Variants in GATA6 observed in about 807,000 individuals in gnomAD.
GATA6 encodes the protein GATA binding protein 6.
In GATA6, 11 loss-of-function variants were observed where a neutral mutation model predicts 48.1. The observed-to-expected ratio is 0.23, with a 90% CI of 0.14 to 0.38. The LOEUF is 0.38. Ranked by LOEUF, GATA6 falls within the 10% of genes least tolerant of loss-of-function variation. The probability of loss-of-function intolerance (pLI) is 1.00; values close to 1 mark genes in which losing one functional copy is unlikely to be tolerated. For missense variants in GATA6, 795 were observed against 850.3 expected (o/e 0.93, Z 0.81); for synonymous variants, 419 against 396.1 (o/e 1.06, Z -0.69).
At position 22,201,437 on chromosome 18, in the gene GATA6, A is replaced by G. The variant is rs1475980382; in HGVS notation, c.*614A>G. On this transcript the variant is annotated 3_prime_UTR_variant, in exon 7 of 7. Transcript: ENST00000269216. ...GAATTTGTAAACAGGGTAGCAAACA[A>G]GATATTTTTCTTCCATGTATACAAT... The G allele has an allele frequency of 1.3e-5, 2 of 153,292 alleles. No homozygotes were observed. Among genetic ancestry groups the G allele is most frequent in the African/African-American group, 4.8e-5 (2 of 41,464 alleles). The allele number at this position is 153,292 out of a possible 1,614,324, so 9.5% of individuals were successfully genotyped here.
intron 6 of GATA6, among the ~76,000 whole-genome samples, chr18:22,190,114 T>C (rs541646999): frequency 6.6e-6 from 1 of 152,338 alleles, no homozygotes; most frequent in Non-Finnish European, 1.5e-5. Flanking sequence ...AATTTTAGCA[T>C]CACATATCCT....
rs750440428 is a variant in GATA6 at position 22,200,669 on chromosome 18, T to G, written c.1634T>G (p.Val545Gly). The G allele has an allele frequency of 4.3e-6, 7 of 1,614,116 alleles. No homozygotes were observed. In the African/African-American group the frequency reaches 9.3e-5, roughly 22 times the overall value. Residue 545 changes from valine to glycine, a missense_variant, in exon 7 of 7, where the codon GTG becomes GGG. By Grantham distance (109) the Val-to-Gly change is moderately radical (BLOSUM62 -3). This residue lies in a region of GATA6 where 103 missense variants were observed against 103.7 expected (regional missense o/e 0.99). Coordinates refer to ENST00000269216, the MANE Select transcript of GATA6 (RefSeq NM_005257.6). ...CTCTTCTGCCAGGCGGGTGCCCCGGTGATGACTGGTGCGGGAGAGAGCACC... is the reference window on the plus strand; with the variant it reads ...CTCTTCTGCCAGGCGGGTGCCCCGGGGATGACTGGTGCGGGAGAGAGCACC... ...QPTASGAGAP[V>G]MTGAGESTNP...
At chr18:22,175,261 G>T (rs2033106837) in intron 2 of GATA6, among the ~76,000 whole-genome samples, 1 of 152,132 alleles carries the variant, frequency 6.6e-6, no homozygotes, top group Non-Finnish European at 1.5e-5. Context: ...TTCCTAGGTT[G>T]TATTTATCCA....
chr18:22,175,209 G>C (rs2033105909), intron 2 of GATA6, among the ~76,000 whole-genome samples: 1 of 152,120 alleles, frequency 6.6e-6, no homozygotes, highest in African/African-American at 2.4e-5. Flanking sequence ...AAGAGGTAGG[G>C]AGGGAATGAG....
chr18:22,192,451 T>C (rs1341105527), intron 6 of GATA6, among the ~76,000 whole-genome samples: 3 of 152,238 alleles, frequency 2.0e-5, no homozygotes, highest in Admixed American at 2.0e-4. Context: ...CGTAGAGTTA[T>C]TGTGTTAAGA....
intron 6 of GATA6, among the ~76,000 whole-genome samples, chr18:22,187,645 A>G (rs758148503): frequency 1.3e-5 from 2 of 152,072 alleles, no homozygotes; most frequent in Non-Finnish European, 2.9e-5. Flanking sequence ...TTTCTGCAAT[A>G]AGATTTAATA....
chr18:22,183,633 A>G (rs1248752677), intron 6 of GATA6, among the ~76,000 whole-genome samples: 1 of 152,230 alleles, frequency 6.6e-6, no homozygotes, highest in East Asian at 1.9e-4. Flanking sequence ...TATTTCAGCT[A>G]TGACAAAACC....
intron 6 of GATA6, among the ~76,000 whole-genome samples, chr18:22,192,563 G>A (rs2033340569): frequency 6.6e-6 from 1 of 152,142 alleles, no homozygotes; most frequent in African/African-American, 2.4e-5. Context: ...TAAGTGCATT[G>A]TAAATGCTTC....
intron 6 of GATA6, among the ~76,000 whole-genome samples, chr18:22,192,524 T>A (rs1040459172): frequency 6.6e-6 from 1 of 152,246 alleles, no homozygotes; most frequent in Non-Finnish European, 1.5e-5. Context: ...CTTCTGATAC[T>A]TAGTACTTTC....
intron 6 of GATA6, among the ~76,000 whole-genome samples, chr18:22,197,335 G>A (rs979414164): frequency 3.3e-5 from 5 of 152,086 alleles, no homozygotes; most frequent in Admixed American, 6.5e-5. Flanking sequence ...TGCAGGCGTG[G>A]GCCACCGCGC....
rs572151821 is a variant in GATA6, at chr18:22,170,436, G to C, written c.-37-672G>C. Among the ~76,000 whole-genome samples the C allele has an allele frequency of 4.2e-4, 64 of 152,270 alleles. No homozygotes were observed. The highest frequency in any genetic ancestry group is 1.5e-3 in the African/African-American group (63 of 41,592). On this transcript the variant is annotated intron_variant, in intron 1 of 6. Transcript: ENST00000269216. The surrounding 1 kb of genome is among the most constrained non-coding windows in gnomAD (Gnocchi z 6.7). Reference sequence around the variant, plus strand: ...TCTCCGCATTGCCTCTGCTGGGAAGGACCCAGACTGCTGCCCCCGCCCTGG... The same window carrying C: ...TCTCCGCATTGCCTCTGCTGGGAAGCACCCAGACTGCTGCCCCCGCCCTGG...
chr18:22,190,275 G>GT (rs935419169), intron 6 of GATA6, among the ~76,000 whole-genome samples: 1 of 151,510 alleles, frequency 6.6e-6, no homozygotes, highest in Non-Finnish European at 1.5e-5. Context: ...GTAACATTAA[G>GT]TTAAAAAAAA....
At chr18:22,190,841 A>G (rs1016731382) in intron 6 of GATA6, among the ~76,000 whole-genome samples, 28 of 152,252 alleles carry the variant, frequency 1.8e-4, no homozygotes, top group African/African-American at 6.0e-4. Context: ...CATGCTCCCT[A>G]TGTGCCAGGC....
Position 22,170,564 on chromosome 18 carries a change from C to T in GATA6, c.-37-544C>T, listed in dbSNP as rs2033019787. On this transcript the variant is annotated intron_variant, in intron 1 of 6. Transcript: ENST00000269216. This position sits in a 1 kb window ranked among gnomAD's most constrained non-coding sequence, Gnocchi z 6.7. The stretch of plus-strand genomic sequence containing the variant: ...CTGGGAGAGCCAATATAGGAGAACG[C>T]GGCGGTTTCGTTTTCGGGGACAGGT... Among the ~76,000 whole-genome samples the T allele has an allele frequency of 1.3e-5, 2 of 152,340 alleles. No individual in the cohort carries two copies. Among genetic ancestry groups the T allele is most frequent in the South Asian group, 2.1e-4 (1 of 4,834 alleles).
At chr18:22,176,845 C>CGGGCAGGGAAGCCGGGCACCGGGGCTGG in intron 2 of GATA6, 110 bp from the exon 3 acceptor site, 1 of 1,288,050 alleles carries the variant, frequency 7.8e-7, no homozygotes, top group South Asian at 1.5e-5. Context: ...GGGAAGGGCA[C>CGGGCAGGGAAGCCGGGCACCGGGGCTGG]GGGCAGGGAA....
At position 22,171,952 on chromosome 18, in the gene GATA6, C is replaced by T; in HGVS notation, c.808C>T (p.Pro270Ser). ...GCGCTTCCCCTACTCTCCCAGCCCG[C>T]CCATGGCCAACGGCGCCGCGCGGGA... ...SARFPYSPSPPMANGAAREPG... is the reference protein window; with the variant it reads ...SARFPYSPSPSMANGAAREPG... The change falls in exon 2 of 7, where the codon CCC becomes TCC. Residue 270 changes from proline to serine, a missense_variant. Physicochemically the swap from Pro to Ser is moderately conservative, Grantham distance 74. This residue lies in a region of GATA6 where 591 missense variants were observed against 570.0 expected (regional missense o/e 1.04). Coordinates refer to ENST00000269216, the MANE Select transcript of GATA6 (RefSeq NM_005257.6). The surrounding 1 kb of genome is among the most constrained non-coding windows in gnomAD (Gnocchi z 7.1). 9 of 1,199,974 alleles carry T rather than the reference C, an allele frequency of 7.5e-6. No individual in the cohort carries two copies. The highest frequency in any genetic ancestry group is 9.3e-6 in the Non-Finnish European group (9 of 968,096). The allele number at this position is 1,199,974 out of a possible 1,614,324, so 74.3% of individuals were successfully genotyped here.
At chr18:22,178,819 A>G (rs954737703) in intron 3 of GATA6, among the ~76,000 whole-genome samples, 1 of 152,242 alleles carries the variant, frequency 6.6e-6, no homozygotes, top group East Asian at 1.9e-4. Context: ...ACTGGAAAAT[A>G]TCCCACAGAA....
In GATA6 at chr18:22,172,562, G is replaced by A. The variant is rs1277807706; in HGVS notation, c.1135+283G>A. Among the ~76,000 whole-genome samples the A allele has an allele frequency of 6.6e-6, 1 of 152,170 alleles. No individual in the cohort carries two copies. Among genetic ancestry groups the A allele is most frequent in the East Asian group, 1.9e-4 (1 of 5,184 alleles). On this transcript the variant is annotated intron_variant, in intron 2 of 6. Coordinates refer to ENST00000269216, the MANE Select transcript of GATA6 (RefSeq NM_005257.6). The surrounding 1 kb of genome is among the most constrained non-coding windows in gnomAD (Gnocchi z 5.2). ...ACCTTCGTGCCTTGGGGAAGCTCAG[G>A]GCCTTGATGAGTAGTGAATGGCATC...
intron 2 of GATA6, among the ~76,000 whole-genome samples, chr18:22,176,319 T>TC (rs1300251620): frequency 6.6e-6 from 1 of 152,220 alleles, no homozygotes; most frequent in East Asian, 1.9e-4. Flanking sequence ...AGTGCATTTT[T>TC]CCCCTGAAAA....
Sources: allele counts gnomAD v4.1 joint callset (sites outside exome capture counted in the v4.1 genomes callset), GRCh38; gene constraint gnomAD v4.1.1; regional missense constraint gnomAD v4.1.1; non-coding constraint Gnocchi (gnomAD v3.1); transcripts MANE v1.5; gene names NCBI Gene and HGNC (gene_info 2026-07-23, HGNC 2026-07-21).